The following CCNT2 variants were observed in gnomAD, a reference collection of about 807,000 sequenced individuals.
CCNT2 encodes cyclin-T2.
Under a neutral mutation model 70.0 loss-of-function variants are expected in CCNT2, and 18 were observed. That is an observed-to-expected ratio of 0.26 (90% CI 0.18 to 0.38). CCNT2 has a LOEUF of 0.38. Ranked by LOEUF, CCNT2 falls within the 10% of genes least tolerant of loss-of-function variation. CCNT2 has a pLI of 1.00. For synonymous variants in CCNT2, 334 were observed against 313.3 expected (o/e 1.07, Z -0.70); for missense variants, 734 against 890.2 (o/e 0.82, Z 2.23).
At chr2:134,926,633 T>C (rs965117311) in intron 2 of CCNT2, among the ~76,000 whole-genome samples, 2 of 152,240 alleles carry the variant, frequency 1.3e-5, no homozygotes, top group African/African-American at 4.8e-5. Context: ...TTCCAGTGAA[T>C]GTCTTTTGGC....
intron 2 of CCNT2, among the ~76,000 whole-genome samples, chr2:134,929,481 G>A (rs1573792736): frequency 1.3e-5 from 2 of 151,528 alleles, no homozygotes; most frequent in African/African-American, 2.4e-5. Context: ...CTTGGTGTGC[G>A]CCTGTAGTCC....
intron 4 of CCNT2, 70 bp from the exon 5 acceptor site, chr2:134,942,542 C>T (rs951535119): frequency 3.3e-5 from 33 of 993,506 alleles, no homozygotes; most frequent in Middle Eastern, 5.5e-4. Context: ...ATATATTATA[C>T]GTTTATGGCA....
intron 7 of CCNT2, among the ~76,000 whole-genome samples, chr2:134,948,618 C>G (rs1218283059): frequency 6.6e-5 from 10 of 152,030 alleles, no homozygotes; most frequent in Admixed American, 6.6e-4. Context: ...ATGAGAAATT[C>G]CTCTGGTTGA....
chr2:134,930,012 A>G (rs536913337), intron 2 of CCNT2, among the ~76,000 whole-genome samples: 1 of 152,068 alleles, frequency 6.6e-6, no homozygotes, highest in Admixed American at 6.6e-5. Flanking sequence ...GATACAATTC[A>G]TATACCGTAA....
chr2:134,926,749 G>A (rs573385130), intron 2 of CCNT2, among the ~76,000 whole-genome samples: 1 of 152,194 alleles, frequency 6.6e-6, no homozygotes, highest in African/African-American at 2.4e-5. Flanking sequence ...TTCCTCATTC[G>A]TATGTGTTAG....
chr2:134,927,760 A>G (rs1355324866), intron 2 of CCNT2, among the ~76,000 whole-genome samples: 1 of 152,202 alleles, frequency 6.6e-6, no homozygotes, highest in African/African-American at 2.4e-5. Flanking sequence ...ATACATATAC[A>G]TTCTAGGGAG....
At chr2:134,933,978 T>G (rs1230149650) in intron 2 of CCNT2, among the ~76,000 whole-genome samples, 2 of 152,186 alleles carry the variant, frequency 1.3e-5, no homozygotes. Context: ...AGAGCCAAGA[T>G]TCCACTTGAG....
intron 5 of CCNT2, chr2:134,945,479 G>A (rs1681883956): frequency 1.0e-6 from 1 of 985,386 alleles, no homozygotes. Flanking sequence ...TAGAATACCT[G>A]TATCTTTCCT....
At position 134,918,974 on chromosome 2, in the gene CCNT2, G is replaced by A. The variant is rs1033693097; in HGVS notation, c.120G>A (p.Ala40=). ...ADKELSCRQQ[A]ANLIQEMGQR... The stretch of plus-strand genomic sequence containing the variant: ...AAGAGCTCTCGTGCCGCCAGCAGGC[G>A]GCCAACCTCATCCAGGAGATGGGAC... The change falls in exon 1 of 9, where the codon GCG becomes GCA. Residue 40 remains alanine, a synonymous_variant. Transcript: ENST00000264157. 7.4e-6 allele frequency: 12 copies of A among 1,613,552 alleles called. No homozygotes were observed. The highest frequency in any genetic ancestry group is 9.3e-6 in the Non-Finnish European group (11 of 1,179,882).
Position 134,934,239 on chromosome 2 carries a change from T to C in CCNT2, c.241-2602T>C, listed in dbSNP as rs567392838. Among the ~76,000 whole-genome samples, 25 of 152,352 alleles carry C rather than the reference T, an allele frequency of 1.6e-4. No homozygotes were observed. The East Asian group carries it at 4.0e-3, about 25-fold the overall frequency. On this transcript the variant is annotated intron_variant, in intron 2 of 8. Coordinates refer to ENST00000264157, the MANE Select transcript of CCNT2 (RefSeq NM_058241.3). ...TTTAATTTGAGAACGTTTATTAAAC[T>C]AGGTCCAAAATACAAAAATAAATAG...
intron 3 of CCNT2, 95 bp downstream of exon 3, chr2:134,937,064 C>T: frequency 1.3e-6 from 1 of 760,446 alleles, no homozygotes; most frequent in Non-Finnish European, 2.1e-6. Context: ...TTAGTGGTGC[C>T]TTCCAAATGC....
At chr2:134,942,519 TTAA>T (rs1252813623) in intron 4 of CCNT2, 90 bp from the exon 5 acceptor site, 5 of 690,802 alleles carry the variant, frequency 7.2e-6, no homozygotes, top group African/African-American at 3.7e-5. Context: ...TGGATTTTTC[TTAA>T]TAATGAAGAA....
intron 4 of CCNT2, among the ~76,000 whole-genome samples, chr2:134,940,505 C>A (rs78085498): frequency 6.6e-6 from 1 of 151,790 alleles, no homozygotes; most frequent in Non-Finnish European, 1.5e-5. Context: ...TGGCTCTATT[C>A]GCAGTTAAGA....
At chr2:134,923,712 C>T (rs1680081734) in intron 2 of CCNT2, among the ~76,000 whole-genome samples, 1 of 152,184 alleles carries the variant, frequency 6.6e-6, no homozygotes, top group African/African-American at 2.4e-5. Flanking sequence ...GTCTTGTTTT[C>T]TCAGGTAAAG....
intron 4 of CCNT2, among the ~76,000 whole-genome samples, chr2:134,939,874 T>C (rs1681441744): frequency 6.6e-6 from 1 of 152,224 alleles, no homozygotes; most frequent in Non-Finnish European, 1.5e-5. Flanking sequence ...TTCACCTTAC[T>C]CAATTTACTG....
intron 3 of CCNT2, 85 bp from the exon 4 acceptor site, chr2:134,938,917 T>G: frequency 4.9e-6 from 4 of 821,700 alleles, no homozygotes; most frequent in Non-Finnish European, 8.0e-6. Context: ...GTAATCAACC[T>G]GTAATTCTCA....
chr2:134,953,278 A>G lies in CCNT2; in HGVS notation c.823A>G (p.Thr275Ala). 6.2e-7 allele frequency: 1 copy of G among 1,614,040 alleles called. No homozygotes were observed. The highest frequency in any genetic ancestry group is 1.7e-4 in the Middle Eastern group (1 of 6,060). Residue 275 changes from threonine (T) to alanine (A), a missense_variant, in exon 9 of 9, where the codon ACA becomes GCA. Transcript: ENST00000264157. ...AAAAGTAGATGGACAGGTATCAGAG[A>G]CACCACTTCTTGGTTCATCTTTGGT... ...KPKVDGQVSE[T>A]PLLGSSLVQN...
chr2:134,932,296 C>T (rs959505794), intron 2 of CCNT2, among the ~76,000 whole-genome samples: 4 of 152,228 alleles, frequency 2.6e-5, no homozygotes, highest in African/African-American at 7.2e-5. Context: ...CCACCACGCT[C>T]GGCTGATATT....
At position 134,954,287 on chromosome 2, in the gene CCNT2, C is replaced by T; in HGVS notation, c.1832C>T (p.Ser611Phe). 6.2e-7 allele frequency: 1 copy of T among 1,614,128 alleles called. No homozygotes were observed. Among genetic ancestry groups the T allele is most frequent in the East Asian group, 2.2e-5 (1 of 44,886 alleles). ...SPVGLSSDGI[S>F]SSSSSSRKRL... ...GTTGGCCTGAGCAGTGATGGCATTT[C>T]CTCTAGCTCCAGCTCTTCAAGGAAG... The change falls in exon 9 of 9, where the codon TCC becomes TTC. Residue 611 changes from serine (S) to phenylalanine (F), a missense_variant. Coordinates refer to ENST00000264157, the MANE Select transcript of CCNT2 (RefSeq NM_058241.3).
Sources: allele counts gnomAD v4.1 joint callset (sites outside exome capture counted in the v4.1 genomes callset), GRCh38; gene constraint gnomAD v4.1.1; transcripts MANE v1.5; gene names NCBI Gene and HGNC (gene_info 2026-07-23, HGNC 2026-07-21).